SPATA16: variants seen among roughly 807,000 people sequenced by gnomAD.
SPATA16 encodes spermatogenesis-associated protein 16.
Under a neutral mutation model 63.3 loss-of-function variants are expected in SPATA16, and 36 were observed. The observed-to-expected ratio is 0.57, with a 90% CI of 0.44 to 0.75. SPATA16 has a LOEUF of 0.75. Ranked by LOEUF, SPATA16 falls within the 30% of genes least tolerant of loss-of-function variation. The probability of loss-of-function intolerance (pLI) is 0.00; values close to 1 mark genes in which losing one functional copy is unlikely to be tolerated. For missense variants in SPATA16, 646 were observed against 679.3 expected (o/e 0.95, Z 0.54); for synonymous variants, 203 against 216.7 (o/e 0.94, Z 0.56).
At chr3:172,960,407 TG>T (rs1733721954) in intron 5 of SPATA16, among the ~76,000 whole-genome samples, 1 of 152,246 alleles carries the variant, frequency 6.6e-6, no homozygotes, top group Non-Finnish European at 1.5e-5. Flanking sequence ...AAATAAGCTT[TG>T]AAATTAAGTG....
At chr3:173,100,059 TG>T (rs955766471) in intron 2 of SPATA16, among the ~76,000 whole-genome samples, 1 of 152,198 alleles carries the variant, frequency 6.6e-6, no homozygotes, top group African/African-American at 2.4e-5. Context: ...GTCTGGGACC[TG>T]TTTTAGAATG....
intron 2 of SPATA16, among the ~76,000 whole-genome samples, chr3:173,097,721 A>T (rs2108323424): frequency 6.6e-6 from 1 of 152,320 alleles, no homozygotes; most frequent in Non-Finnish European, 1.5e-5. Context: ...ATATGTTTGA[A>T]CTGAAAAATT....
intron 2 of SPATA16, among the ~76,000 whole-genome samples, chr3:173,068,604 G>A (rs866159289): frequency 6.1e-4 from 92 of 152,024 alleles, no homozygotes; most frequent in Middle Eastern, 3.4e-3. Context: ...GGGTTTTCAA[G>A]AAACTTAAAA....
In SPATA16 at chr3:172,978,314, A is replaced by G. The variant is rs116527025; in HGVS notation, c.849-1262T>C. Among the ~76,000 whole-genome samples, 281 of 152,288 alleles carry G rather than the reference A, an allele frequency of 1.8e-3. 2 individuals carry two copies. Among genetic ancestry groups the G allele is most frequent in the African/African-American group, 6.1e-3 (252 of 41,560 alleles). ...AGGTAAAGAGAGGTAGGAGGTTTTG[A>G]TGTTGTGTGAATATGAATGGGACAG... On this transcript the variant is annotated intron_variant, in intron 4 of 10. Coordinates refer to ENST00000351008, the MANE Select transcript of SPATA16 (RefSeq NM_031955.6).
intron 2 of SPATA16, among the ~76,000 whole-genome samples, chr3:173,088,594 G>T (rs1351924194): frequency 1.3e-5 from 2 of 151,444 alleles, no homozygotes; most frequent in Non-Finnish European, 1.5e-5. Flanking sequence ...TAATTTTTTT[G>T]GTTGTTTACC....
At chr3:173,021,723 TTTATTTATTTATTTA>T (rs1159414979) in intron 3 of SPATA16, among the ~76,000 whole-genome samples, 51 of 12,474 alleles carry the variant, frequency 4.1e-3, no homozygotes, top group Admixed American at 0.011. Context: ...CCTATTACTT[TTTATTTATTTATTTA>T]TTTATTTATT....
intron 1 of SPATA16, among the ~76,000 whole-genome samples, chr3:173,124,490 C>G (rs1250369172): frequency 6.6e-6 from 1 of 152,190 alleles, no homozygotes; most frequent in Non-Finnish European, 1.5e-5. Flanking sequence ...TCCTATCCCT[C>G]CAGCCTCTCA....
intron 4 of SPATA16, among the ~76,000 whole-genome samples, chr3:172,984,652 A>G (rs1180847931): frequency 2.0e-5 from 3 of 152,188 alleles, no homozygotes; most frequent in Admixed American, 2.0e-4. Flanking sequence ...TCAAGTTTAT[A>G]GGTTCCTGCC....
Position 173,029,552 on chromosome 3 carries a change from T to C in SPATA16, c.759-9977A>G, listed in dbSNP as rs558687843. 3.3e-5 allele frequency among the ~76,000 whole-genome samples: 5 copies of C among 152,082 alleles called. No homozygotes were observed. The East Asian group carries it at 9.6e-4, about 29-fold the overall frequency. On this transcript the variant is annotated intron_variant, in intron 3 of 10. Coordinates refer to ENST00000351008, the MANE Select transcript of SPATA16 (RefSeq NM_031955.6). The stretch of plus-strand genomic sequence containing the variant: ...GTACCACATGAGAAAAATATGAGTT[T>C]AGAGAATGTGAATATTTTGTAATGG...
chr3:172,989,934 G>A (rs1430213316), intron 4 of SPATA16, among the ~76,000 whole-genome samples: 2 of 152,138 alleles, frequency 1.3e-5, no homozygotes, highest in Non-Finnish European at 2.9e-5. Flanking sequence ...TCCACAGTGA[G>A]AATGCCATTT....
At chr3:173,022,452 T>C (rs1359341972) in intron 3 of SPATA16, among the ~76,000 whole-genome samples, 1 of 152,200 alleles carries the variant, frequency 6.6e-6, no homozygotes, top group African/African-American at 2.4e-5. Context: ...TATTTTTGAC[T>C]TTTATAATTA....
intron 4 of SPATA16, among the ~76,000 whole-genome samples, chr3:172,999,960 T>A (rs936917499): frequency 4.6e-5 from 7 of 152,332 alleles, no homozygotes; most frequent in Middle Eastern, 6.8e-3. Flanking sequence ...TCTTACTGAT[T>A]TTCTGCCTCC....
intron 10 of SPATA16, among the ~76,000 whole-genome samples, chr3:172,893,972 T>A (rs531903773): frequency 8.6e-5 from 13 of 151,930 alleles, no homozygotes; most frequent in African/African-American, 2.9e-4. Context: ...GCTTTAAAAG[T>A]TTTTTTAAAG....
intron 4 of SPATA16, among the ~76,000 whole-genome samples, chr3:173,001,616 A>C (rs555609723): frequency 6.6e-6 from 1 of 152,300 alleles, no homozygotes; most frequent in East Asian, 1.9e-4. Flanking sequence ...TTGAGCTTCC[A>C]GCAATTCATC....
intron 4 of SPATA16, among the ~76,000 whole-genome samples, chr3:173,010,435 C>CGTGTGTGTGT (rs66547523): frequency 0.048 from 6,729 of 141,316 alleles, 172 homozygotes; most frequent in Non-Finnish European, 0.059. Flanking sequence ...CACGTTGTGG[C>CGTGTGTGTGT]GTGTGTGTGT....
At chr3:173,050,225 G>A (rs900426333) in intron 2 of SPATA16, among the ~76,000 whole-genome samples, 1 of 152,038 alleles carries the variant, frequency 6.6e-6, no homozygotes, top group African/African-American at 2.4e-5. Flanking sequence ...GTTCTAAAAT[G>A]CATTTACTTT....
intron 10 of SPATA16, among the ~76,000 whole-genome samples, chr3:172,903,565 T>C (rs1057126343): frequency 6.6e-6 from 1 of 152,236 alleles, no homozygotes; most frequent in Non-Finnish European, 1.5e-5. Flanking sequence ...ACTGAAAGCC[T>C]GATGCATTTC....
chr3:173,001,271 T>TTTTTTTTTG, intron 4 of SPATA16, among the ~76,000 whole-genome samples: 3 of 150,438 alleles, frequency 2.0e-5, no homozygotes, highest in African/African-American at 7.4e-5. Flanking sequence ...CTCAGTTGTT[T>TTTTTTTTTG]TTTTTTTTTT....
chr3:173,097,488 A>G (rs1737387377), intron 2 of SPATA16, among the ~76,000 whole-genome samples: 1 of 152,190 alleles, frequency 6.6e-6, no homozygotes, highest in Non-Finnish European at 1.5e-5. Flanking sequence ...TTGCTGTAGC[A>G]CCTCAAACTG....
Sources: allele counts gnomAD v4.1 joint callset (sites outside exome capture counted in the v4.1 genomes callset), GRCh38; gene constraint gnomAD v4.1.1; transcripts MANE v1.5; gene names NCBI Gene and HGNC (gene_info 2026-07-23, HGNC 2026-07-21).